VAX1: variants seen among roughly 807,000 people sequenced by gnomAD.
VAX1 encodes ventral anterior homeobox 1.
Under a neutral mutation model 17.6 loss-of-function variants are expected in VAX1, and 6 were observed. The observed-to-expected ratio is 0.34, with a 90% CI of 0.19 to 0.67. VAX1 has a LOEUF of 0.67. VAX1 is among the 30% of genes least tolerant of loss of function. The pLI, the probability that VAX1 is intolerant of heterozygous loss-of-function variation, is 0.69. For missense variants in VAX1, 408 were observed against 463.7 expected, an observed-to-expected ratio of 0.88 and a Z score of 1.10; for synonymous variants, 256 against 227.4, an observed-to-expected ratio of 1.13 and a Z score of -1.13.
At chr10:117,128,831 G>A (rs1854048569), downstream of VAX1, 1 of 152,182 alleles carries the variant, frequency 6.6e-6, no homozygotes, top group East Asian at 1.9e-4. Context: ...AACCTGAAGG[G>A]CTCTCCTCCT....
At position 117,134,502 on chromosome 10, in the gene VAX1, C is replaced by G. The variant is rs1214575426; in HGVS notation, c.511G>C (p.Glu171Gln). 5 of 1,530,028 alleles carry G rather than the reference C, an allele frequency of 3.3e-6. No individual in the cohort carries two copies. The highest frequency in any genetic ancestry group is 2.0e-5 in the Admixed American group (1 of 50,536). 94.8% of individuals were successfully genotyped at this position (1,530,028 alleles called of 1,614,324 possible). ...AGCACGCTGCACGTGGCCGCGGTCT[C>G]CGACACCACCGAGCGTAGCTCCGAG... ...KDSELRSVVSETAATCSVLRL... is the reference protein window; with the variant it reads ...KDSELRSVVSQTAATCSVLRL... The change falls in exon 3 of 3, where the codon GAG (glutamate) becomes CAG (glutamine). Residue 171 changes from glutamate (E) to glutamine (Q), a missense_variant. Coordinates refer to ENST00000369206, the MANE Select transcript of VAX1 (RefSeq NM_001112704.2). The surrounding 1 kb of genome is among the most constrained non-coding windows in gnomAD (Gnocchi z 6.2).
chr10:117,137,838 G>A lies in VAX1; in HGVS notation c.219C>T (p.Tyr73=). The stretch of plus-strand genomic sequence containing the variant: ...TACCTCGGACCAGGATCCGGCGGCA[G>A]TAATCCGGGTCCGCTGCGGAATTGG... ...SKSNSAADPD[Y]CRRILVRDAK... Residue 73 remains tyrosine, a synonymous_variant, in exon 1 of 3, where the codon TAC becomes TAT. Coordinates refer to ENST00000369206, the MANE Select transcript of VAX1 (RefSeq NM_001112704.2). The surrounding 1 kb of genome is among the most constrained non-coding windows in gnomAD (Gnocchi z 7.4). The A allele has an allele frequency of 1.2e-6, 2 of 1,612,964 alleles. No individual in the cohort carries two copies. The highest frequency in any genetic ancestry group is 2.7e-5 in the African/African-American group (2 of 75,050).
At position 117,133,677 on chromosome 10, in the gene VAX1, G is replaced by C. The variant is rs1274566874; in HGVS notation, c.*331C>G. 3.8e-6 allele frequency: 4 copies of C among 1,054,136 alleles called. No individual in the cohort carries two copies. Among genetic ancestry groups the C allele is most frequent in the Non-Finnish European group, 4.6e-6 (4 of 875,670 alleles). 65.3% of individuals were successfully genotyped at this position (1,054,136 alleles called of 1,614,324 possible). ...TCTAGAGCAAACGTCCTGTGCTTTG[G>C]AGTTAGAACCAGTCTTTTCCCTCCT... is the stretch of plus-strand genomic sequence containing the variant. On this transcript the variant is annotated 3_prime_UTR_variant, in exon 3 of 3. Transcript: ENST00000369206.
In VAX1 at chr10:117,134,600, G is replaced by C. The variant is rs1185440505; in HGVS notation, c.430-17C>G. On this transcript the variant is annotated splice_polypyrimidine_tract_variant and intron_variant, in intron 2 of 2. Transcript: ENST00000369206. This position sits in a 1 kb window ranked among gnomAD's most constrained non-coding sequence, Gnocchi z 6.2. ...GACCTTCACCTGCGCGCCGGGGTGC[G>C]GGGAGAGTTGGAGAGAGGGGCAGGG... is the stretch of plus-strand genomic sequence containing the variant. 6.6e-7 allele frequency: 1 copy of C among 1,511,372 alleles called. No individual in the cohort carries two copies. Among genetic ancestry groups the C allele is most frequent in the Non-Finnish European group, 8.8e-7 (1 of 1,131,792 alleles). 93.6% of individuals were successfully genotyped at this position (1,511,372 alleles called of 1,614,324 possible).
downstream of VAX1, chr10:117,129,670 G>GTA (rs1369561862): frequency 2.0e-5 from 3 of 152,016 alleles, no homozygotes; most frequent in Non-Finnish European, 4.4e-5. Flanking sequence ...GTGTGTGTGT[G>GTA]TGTGTGTAAA....
At chr10:117,135,683 G>T (rs554934265) in intron 2 of VAX1, among the ~76,000 whole-genome samples, 4 of 152,394 alleles carry the variant, frequency 2.6e-5, no homozygotes, top group African/African-American at 9.6e-5. Flanking sequence ...GCTAGGCCAA[G>T]CTGGTGACAT....
At position 117,136,796 on chromosome 10, in the gene VAX1, AC is replaced by A; in HGVS notation, c.242-138del. 9.8e-7 allele frequency: 1 copy of A among 1,025,174 alleles called. No individual in the cohort carries two copies. The highest frequency in any genetic ancestry group is 1.4e-6 in the Non-Finnish European group (1 of 715,920). The allele number at this position is 1,025,174 out of a possible 1,614,324, so 63.5% of individuals were successfully genotyped here. The stretch of plus-strand genomic sequence containing the variant: ...GGGCGGGGTGCGGAGCGCGACCACA[AC>A]CAGGTAGCAAAGACACTGTGTGGAG... On this transcript the variant is annotated intron_variant, in intron 1 of 2. Transcript: ENST00000369206. The surrounding 1 kb of genome is among the most constrained non-coding windows in gnomAD (Gnocchi z 5.0).
downstream of VAX1, among the ~76,000 whole-genome samples, chr10:117,132,818 G>A (rs1173838441): frequency 6.6e-6 from 1 of 152,164 alleles, no homozygotes; most frequent in Admixed American, 6.5e-5. This position sits in a 1 kb window ranked among gnomAD's most constrained non-coding sequence, Gnocchi z 4.9. Context: ...GCTAGAGGAG[G>A]CCCGACCACC....
At position 117,133,751 on chromosome 10, in the gene VAX1, T is replaced by C; in HGVS notation, c.*257A>G. ...TCAGGTTGACTAACTCGGGCATTTT[T>C]CCCAATTCTTTGGATCGCTCCTGGA... is the stretch of plus-strand genomic sequence containing the variant. On this transcript the variant is annotated 3_prime_UTR_variant, in exon 3 of 3. Transcript: ENST00000369206. 8.1e-7 allele frequency: 1 copy of C among 1,228,448 alleles called. No homozygotes were observed. Among genetic ancestry groups the C allele is most frequent in the Non-Finnish European group, 1.0e-6 (1 of 986,678 alleles). The allele number at this position is 1,228,448 out of a possible 1,614,324, so 76.1% of individuals were successfully genotyped here.
downstream of VAX1, chr10:117,132,593 C>T: frequency 8.3e-7 from 1 of 1,202,970 alleles, no homozygotes; most frequent in Non-Finnish European, 1.2e-6. The surrounding 1 kb of genome is among the most constrained non-coding windows in gnomAD (Gnocchi z 4.9). Flanking sequence ...TGAATACATT[C>T]TAGACACTGC....
At position 117,137,304 on chromosome 10, in the gene VAX1, C is replaced by T. The variant is rs1354487705; in HGVS notation, c.241+512G>A. ...CCGTAACCAAGCCCAGCTGCCTCTC[C>T]CGGCGGCAGCGGTCGGGCACCGATC... On this transcript the variant is annotated intron_variant, in intron 1 of 2. Transcript: ENST00000369206. This position sits in a 1 kb window ranked among gnomAD's most constrained non-coding sequence, Gnocchi z 7.4. Among the ~76,000 whole-genome samples the T allele has an allele frequency of 6.6e-6, 1 of 152,108 alleles. No individual in the cohort carries two copies. Among genetic ancestry groups the T allele is most frequent in the Non-Finnish European group, 1.5e-5 (1 of 67,992 alleles).
At chr10:117,131,569 A>G (rs1474513189), downstream of VAX1, 2 of 152,332 alleles carry the variant, frequency 1.3e-5, no homozygotes, top group Non-Finnish European at 2.9e-5. Flanking sequence ...CCGGTGCCGC[A>G]CGGGAGCTGC....
rs781390259 is a variant in VAX1, at chr10:117,138,007, T to C, written c.50A>G (p.Glu17Gly). 6.9e-6 allele frequency: 11 copies of C among 1,602,790 alleles called. No homozygotes were observed. The African/African-American group carries it at 1.4e-4, about 20-fold the overall frequency. Residue 17 changes from glutamate (E) to glycine (G), a missense_variant, in exon 1 of 3, where the codon GAG (glutamate) becomes GGG (glycine). Glu to Gly is a moderately conservative substitution (Grantham distance 98). Around this residue, in one of 4 missense-constraint regions of VAX1, gnomAD observed 133 missense variants for 112.0 expected, o/e 1.19. Transcript: ENST00000369206. The stretch of plus-strand genomic sequence containing the variant: ...CGCGTTCTTCGAGACCCGGGCAGCC[T>C]CGGCGTCCGAGTGGCATCGAACGTC... ...KMDVRCHSDA[E>G]AARVSKNAHK...
Position 117,137,064 on chromosome 10 carries a change from A to C in VAX1, c.242-405T>G. ...GCTTGCCGACCAGACCGTGATCCAGACGTCCCCACCCCCACCCTCGAGTCT... is the reference window on the plus strand; with the variant it reads ...GCTTGCCGACCAGACCGTGATCCAGCCGTCCCCACCCCCACCCTCGAGTCT... On this transcript the variant is annotated intron_variant, in intron 1 of 2. Transcript: ENST00000369206. The surrounding 1 kb of genome is among the most constrained non-coding windows in gnomAD (Gnocchi z 7.4). Among the ~76,000 whole-genome samples the C allele has an allele frequency of 6.6e-6, 1 of 151,416 alleles. No individual in the cohort carries two copies. Among genetic ancestry groups the C allele is most frequent in the Middle Eastern group, 3.4e-3 (1 of 294 alleles).
At position 117,137,073 on chromosome 10, in the gene VAX1, C is replaced by A. The variant is rs1051686644; in HGVS notation, c.242-414G>T. Among the ~76,000 whole-genome samples the A allele has an allele frequency of 1.3e-5, 2 of 151,868 alleles. No homozygotes were observed. Among genetic ancestry groups the A allele is most frequent in the African/African-American group, 4.8e-5 (2 of 41,400 alleles). ...CCAGACCGTGATCCAGACGTCCCCA[C>A]CCCCACCCTCGAGTCTCCTTCCCTC... is the stretch of plus-strand genomic sequence containing the variant. On this transcript the variant is annotated intron_variant, in intron 1 of 2. Coordinates refer to ENST00000369206, the MANE Select transcript of VAX1 (RefSeq NM_001112704.2). The surrounding 1 kb of genome is among the most constrained non-coding windows in gnomAD (Gnocchi z 7.4).
In VAX1 at chr10:117,137,661, T is replaced by C. The variant is rs1484575847; in HGVS notation, c.241+155A>G. On this transcript the variant is annotated intron_variant, in intron 1 of 2. Transcript: ENST00000369206. This position sits in a 1 kb window ranked among gnomAD's most constrained non-coding sequence, Gnocchi z 7.4. ...GAGCGCACCGGAGAGTCCCAGGCGC[T>C]TGTCCCCAGCCGGACTCGGGGCGGG... 2.0e-5 allele frequency among the ~76,000 whole-genome samples: 3 copies of C among 152,132 alleles called. No individual in the cohort carries two copies. Among genetic ancestry groups the C allele is most frequent in the Non-Finnish European group, 4.4e-5 (3 of 68,024 alleles).
At position 117,136,284 on chromosome 10, in the gene VAX1, T is replaced by G. The variant is rs1854176985; in HGVS notation, c.429+188A>C. ...CTGGAGGATTTGGGGATGGCAGGAA[T>G]GGTGGGGGGAAAGGATGTATTATCT... On this transcript the variant is annotated intron_variant, in intron 2 of 2. Coordinates refer to ENST00000369206, the MANE Select transcript of VAX1 (RefSeq NM_001112704.2). This position sits in a 1 kb window ranked among gnomAD's most constrained non-coding sequence, Gnocchi z 5.0. Among the ~76,000 whole-genome samples, 1 of 151,982 alleles carries G rather than the reference T, an allele frequency of 6.6e-6. No homozygotes were observed. Among genetic ancestry groups the G allele is most frequent in the Non-Finnish European group, 1.5e-5 (1 of 67,996 alleles).
chr10:117,134,313 G>GGGCGGCGGC lies in VAX1; in HGVS notation c.691_699dup (p.Ala231_Ala233dup), dbSNP rs960718655. 8.4e-6 allele frequency: 9 copies of GGGCGGCGGC among 1,071,514 alleles called. 1 individual carries two copies. In the East Asian group the frequency reaches 4.4e-4, roughly 53 times the overall value. The allele number at this position is 1,071,514 out of a possible 1,614,324, so 66.4% of individuals were successfully genotyped here. ...GGGGATGCAGCGCCCGCTGGGCCCG[G>GGGCGGCGGC]GGCGGCGGCGGCGGCTGCGGCGGCC... On this transcript the variant is annotated inframe_insertion, in exon 3 of 3. Coordinates refer to ENST00000369206, the MANE Select transcript of VAX1 (RefSeq NM_001112704.2). The surrounding 1 kb of genome is among the most constrained non-coding windows in gnomAD (Gnocchi z 6.2).
rs564271493 is a variant in VAX1 at position 117,133,871 on chromosome 10, A to G, written c.*137T>C. 11 of 1,376,722 alleles carry G rather than the reference A, an allele frequency of 8.0e-6. No individual in the cohort carries two copies. In the African/African-American group the frequency reaches 1.1e-4, roughly 13 times the overall value. 85.3% of individuals were successfully genotyped at this position (1,376,722 alleles called of 1,614,324 possible). On this transcript the variant is annotated 3_prime_UTR_variant, in exon 3 of 3. Coordinates refer to ENST00000369206, the MANE Select transcript of VAX1 (RefSeq NM_001112704.2). ...TGAGATGAAATTGGTAGCAGAGTCT[A>G]GTGGGAAAGGAGAGCTGTCAGAGGC...
Sources: allele counts gnomAD v4.1 joint callset (sites outside exome capture counted in the v4.1 genomes callset), GRCh38; gene constraint gnomAD v4.1.1; regional missense constraint gnomAD v4.1.1; non-coding constraint Gnocchi (gnomAD v3.1); transcripts MANE v1.5; gene names NCBI Gene and HGNC (gene_info 2026-07-23, HGNC 2026-07-21).